The following TMTC2 variants were observed in gnomAD, a reference collection of about 807,000 sequenced individuals.
TMTC2 encodes the protein transmembrane O-mannosyltransferase targeting cadherins 2.
A neutral mutation model predicts 82.4 loss-of-function variants in TMTC2; 43 were observed. The observed-to-expected ratio is 0.52, with a 90% CI of 0.41 to 0.67. The LOEUF (loss-of-function observed/expected upper bound fraction) is 0.67. Among genes scored for constraint, TMTC2 ranks in the 30% least tolerant of loss-of-function variants. TMTC2 has a pLI of 0.00. For missense variants in TMTC2, 919 were observed against 1,012.4 expected (o/e 0.91, Z 1.25); for synonymous variants, 408 against 381.9 (o/e 1.07, Z -0.80).
At chr12:83,024,931 C>T (rs1333228695) in intron 8 of TMTC2, among the ~76,000 whole-genome samples, 1 of 152,192 alleles carries the variant, frequency 6.6e-6, no homozygotes, top group Non-Finnish European at 1.5e-5. Context: ...GTGGCTCACA[C>T]TTGTAATCCC....
chr12:82,874,467 G>A (rs1204915239), intron 2 of TMTC2, among the ~76,000 whole-genome samples: 1 of 152,096 alleles, frequency 6.6e-6, no homozygotes, highest in African/African-American at 2.4e-5. Context: ...GGAAAGATGG[G>A]CTTCTTGTGC....
chr12:82,812,991 C>T (rs1206829956), intron 1 of TMTC2, among the ~76,000 whole-genome samples: 1 of 151,898 alleles, frequency 6.6e-6, no homozygotes, highest in Non-Finnish European at 1.5e-5. Context: ...CAGTTTTTAC[C>T]ATTCAGTGAC....
At chr12:82,858,665 A>AAGAGTC (rs1555191712) in intron 2 of TMTC2, among the ~76,000 whole-genome samples, 3 of 151,202 alleles carry the variant, frequency 2.0e-5, no homozygotes, top group Non-Finnish European at 4.4e-5. Context: ...TTTTCCTCTT[A>AAGAGTC]AGAGTCAGAG....
chr12:82,904,579 T>C (rs1278908590), intron 3 of TMTC2, among the ~76,000 whole-genome samples: 1 of 152,214 alleles, frequency 6.6e-6, no homozygotes, highest in Admixed American at 6.5e-5. Context: ...TTACTGTAGT[T>C]TGCTGATTTC....
chr12:83,013,578 A>G (rs1021517956), intron 8 of TMTC2, among the ~76,000 whole-genome samples: 15 of 152,002 alleles, frequency 9.9e-5, no homozygotes, highest in Admixed American at 8.5e-4. Flanking sequence ...TTTTTATTGT[A>G]TTGTTATATT....
At chr12:83,116,768 C>A (rs1394531183) in intron 11 of TMTC2, among the ~76,000 whole-genome samples, 3 of 152,058 alleles carry the variant, frequency 2.0e-5, no homozygotes. Flanking sequence ...CCTTAGCCCA[C>A]TTTTTGATGG....
intron 1 of TMTC2, among the ~76,000 whole-genome samples, chr12:82,703,125 G>A (rs1015597489): frequency 6.6e-6 from 1 of 152,198 alleles, no homozygotes; most frequent in Non-Finnish European, 1.5e-5. Context: ...GATCCCAGGA[G>A]TTTGAGGTTA....
chr12:82,797,804 T>G (rs1878792445), intron 1 of TMTC2, among the ~76,000 whole-genome samples: 1 of 151,982 alleles, frequency 6.6e-6, no homozygotes, highest in South Asian at 2.1e-4. Flanking sequence ...GTGGGAAGAT[T>G]AGATCATACA....
intron 4 of TMTC2, among the ~76,000 whole-genome samples, chr12:82,937,139 G>A (rs535076731): frequency 1.3e-5 from 2 of 152,154 alleles, no homozygotes; most frequent in South Asian, 4.1e-4. Flanking sequence ...TTGTTTCCTA[G>A]GACTGCTATA....
intron 8 of TMTC2, among the ~76,000 whole-genome samples, chr12:83,019,972 G>C (rs995743527): frequency 7.9e-5 from 12 of 152,150 alleles, no homozygotes; most frequent in Non-Finnish European, 1.6e-4. Flanking sequence ...GCTTCACACA[G>C]TGTTTTTGTT....
At chr12:83,061,523 C>T (rs927489648) in intron 10 of TMTC2, among the ~76,000 whole-genome samples, 8 of 151,474 alleles carry the variant, frequency 5.3e-5, no homozygotes, top group Admixed American at 5.3e-4. Context: ...TTTTCTAATT[C>T]CTAATATGTA....
chr12:82,703,472 T>C (rs1461191940), intron 1 of TMTC2, among the ~76,000 whole-genome samples: 2 of 151,716 alleles, frequency 1.3e-5, no homozygotes, highest in Admixed American at 1.3e-4. Context: ...AAAGATGCAC[T>C]GTAATGGAAG....
chr12:82,802,026 C>T (rs998048546), intron 1 of TMTC2, among the ~76,000 whole-genome samples: 1 of 141,326 alleles, frequency 7.1e-6, no homozygotes, highest in African/African-American at 2.8e-5. Context: ...CAGTCCCACG[C>T]CGTGCGCCCA....
chr12:82,980,897 A>G (rs539867290), intron 7 of TMTC2, among the ~76,000 whole-genome samples: 14 of 151,956 alleles, frequency 9.2e-5, no homozygotes, highest in African/African-American at 3.4e-4. Context: ...AGATTAAATC[A>G]AATTCATACA....
intron 4 of TMTC2, among the ~76,000 whole-genome samples, chr12:82,949,270 A>G (rs556782664): frequency 2.0e-5 from 3 of 152,234 alleles, no homozygotes; most frequent in Non-Finnish European, 4.4e-5. Context: ...ATAGGTTTAA[A>G]GTTAAATCAT....
chr12:82,851,564 G>T (rs1259960648), intron 1 of TMTC2, among the ~76,000 whole-genome samples: 1 of 152,178 alleles, frequency 6.6e-6, no homozygotes, highest in Non-Finnish European at 1.5e-5. Context: ...GTACAGAGAG[G>T]TGAAATAACT....
At chr12:83,069,618 G>A (rs1376654334) in intron 11 of TMTC2, among the ~76,000 whole-genome samples, 1 of 152,106 alleles carries the variant, frequency 6.6e-6, no homozygotes, top group African/African-American at 2.4e-5. Flanking sequence ...TATAGATTGT[G>A]CAGATTTTCT....
At chr12:82,929,227 A>AT (rs1468223992) in intron 3 of TMTC2, among the ~76,000 whole-genome samples, 2 of 151,482 alleles carry the variant, frequency 1.3e-5, no homozygotes, top group Non-Finnish European at 2.9e-5. Flanking sequence ...TAATTTTTGT[A>AT]TTTTTTTGTT....
chr12:83,034,945 G>A (rs1270965216), intron 9 of TMTC2, among the ~76,000 whole-genome samples: 1 of 152,140 alleles, frequency 6.6e-6, no homozygotes, highest in East Asian at 1.9e-4. Context: ...AGATTGTTAT[G>A]CCAACAGATT....
Sources: gnomAD v4.1 joint callset for allele counts (sites outside exome capture counted in the v4.1 genomes callset) on GRCh38, gnomAD v4.1.1 for gene constraint, MANE v1.5 for transcripts, NCBI Gene and HGNC (gene_info 2026-07-23, HGNC 2026-07-21) for gene names.